GSDME: variants seen among roughly 807,000 people sequenced by gnomAD.
GSDME encodes the protein gasdermin-E.
A neutral mutation model predicts 47.5 loss-of-function variants in GSDME; 44 were observed. The observed-to-expected ratio is 0.93, with a 90% CI of 0.73 to 1.19. The LOEUF is 1.19. GSDME is among the 50% of genes most tolerant of loss of function. The pLI is 0.00. For missense variants in GSDME, 663 were observed against 604.2 expected, an observed-to-expected ratio of 1.10 and a Z score of -1.02; for synonymous variants, 258 against 252.8, an observed-to-expected ratio of 1.02 and a Z score of -0.20.
rs147676583 is a variant in GSDME, at chr7:24,699,383, T to A, written c.1258-124A>T. ...TTTGAGATGGAGTCTTGCTCTGTCG[T>A]CCAGGCTGGAGTGCAGTGGCGTGAT... On this transcript the variant is annotated intron_variant, in intron 9 of 9. Coordinates refer to ENST00000645220, the MANE Select transcript of GSDME (RefSeq NM_001127453.2). 1,519 of 731,592 alleles carry A rather than the reference T, an allele frequency of 2.1e-3. 19 individuals are homozygous for A. In the East Asian group the frequency reaches 0.029, roughly 14 times the overall value. 45.3% of individuals were successfully genotyped at this position (731,592 alleles called of 1,614,324 possible).
chr7:24,793,663 C>T, the GSDME span, among the ~76,000 whole-genome samples: 1 of 152,030 alleles, frequency 6.6e-6, no homozygotes, highest in African/African-American at 2.4e-5. Flanking sequence ...GACAATTCTT[C>T]AACATGTCTC....
chr7:24,778,328 T>C, the GSDME span, among the ~76,000 whole-genome samples: 92 of 152,082 alleles, frequency 6.0e-4, no homozygotes, highest in Admixed American at 1.1e-3. The surrounding 1 kb of genome is among the most constrained non-coding windows in gnomAD (Gnocchi z 5.6). Context: ...CCAGGGAGCT[T>C]CAGACCTCAG....
intron 3 of GSDME, among the ~76,000 whole-genome samples, chr7:24,734,075 T>A (rs922394471): frequency 1.3e-5 from 2 of 152,164 alleles, no homozygotes; most frequent in Admixed American, 6.5e-5. Flanking sequence ...CCAGACAGCT[T>A]AGCATAGAGA....
chr7:24,746,325 A>G (rs952518079), intron 2 of GSDME, among the ~76,000 whole-genome samples: 3 of 152,226 alleles, frequency 2.0e-5, no homozygotes, highest in Non-Finnish European at 4.4e-5. Flanking sequence ...TTAGGATTCT[A>G]TCCCTACTCT....
chr7:24,753,050 T>G (rs992705773), intron 1 of GSDME, among the ~76,000 whole-genome samples: 1 of 151,854 alleles, frequency 6.6e-6, no homozygotes, highest in Non-Finnish European at 1.5e-5. Context: ...CAGGGTAGGG[T>G]GCTTTAAGGA....
chr7:24,717,089 A>G (rs951952648), intron 5 of GSDME, 165 bp downstream of exon 5: 13 of 730,914 alleles, frequency 1.8e-5, no homozygotes, highest in Middle Eastern at 2.4e-4. Flanking sequence ...AGTGCAGCCC[A>G]TGTGTCCAGG....
chr7:24,711,810 G>A (rs1159742395), intron 5 of GSDME, among the ~76,000 whole-genome samples: 2 of 106,410 alleles, frequency 1.9e-5, no homozygotes, highest in Admixed American at 1.1e-4. Flanking sequence ...GCAAGACCTT[G>A]TCTCCAAAAA....
At chr7:24,746,484 T>G (rs969517863) in intron 2 of GSDME, among the ~76,000 whole-genome samples, 1 of 152,176 alleles carries the variant, frequency 6.6e-6, no homozygotes, top group African/African-American at 2.4e-5. Context: ...GTCTCACACA[T>G]AGCAAAGGCT....
At chr7:24,704,018 A>G (rs1470101757) in intron 8 of GSDME, 2 of 152,184 alleles carry the variant, frequency 1.3e-5, no homozygotes, top group African/African-American at 4.8e-5. Context: ...CCTGAGTCCC[A>G]TATTACCCAT....
intron 2 of GSDME, 50 bp downstream of exon 2, chr7:24,749,514 A>T: frequency 7.2e-6 from 10 of 1,388,204 alleles, no homozygotes; most frequent in Non-Finnish European, 1.0e-5. Flanking sequence ...AAAAAAAAAA[A>T]GGATCATCCT....
intron 8 of GSDME, chr7:24,704,889 T>A (rs916724289): frequency 6.6e-6 from 1 of 152,228 alleles, no homozygotes; most frequent in Non-Finnish European, 1.5e-5. Context: ...GGTCTTGCCA[T>A]GTTCCCTAGG....
At chr7:24,702,342 G>C (rs1437473133) in intron 9 of GSDME, 2 of 330,074 alleles carry the variant, frequency 6.1e-6, no homozygotes, top group Admixed American at 8.3e-5. Context: ...CCCTGGGACA[G>C]ATCAGTCCTG....
intron 3 of GSDME, among the ~76,000 whole-genome samples, chr7:24,741,728 G>A (rs146725714): frequency 2.6e-5 from 4 of 152,142 alleles, no homozygotes; most frequent in Non-Finnish European, 5.9e-5. Context: ...CCAAGGCCAC[G>A]CATGTATCAA....
intron 1 of GSDME, among the ~76,000 whole-genome samples, chr7:24,750,688 A>G (rs939454930): frequency 3.3e-5 from 5 of 152,200 alleles, no homozygotes; most frequent in African/African-American, 9.7e-5. Flanking sequence ...ACTTATGACT[A>G]CTTATTTGAA....
At chr7:24,780,778 A>G in the GSDME span, among the ~76,000 whole-genome samples, 5 of 152,182 alleles carry the variant, frequency 3.3e-5, no homozygotes, top group South Asian at 1.0e-3. The surrounding 1 kb of genome is among the most constrained non-coding windows in gnomAD (Gnocchi z 4.1). Context: ...ACCTTTGTCT[A>G]CCCAGTAGAT....
intron 2 of GSDME, 91 bp downstream of exon 2, chr7:24,749,473 G>T (rs574727291): frequency 3.4e-5 from 39 of 1,134,522 alleles, no homozygotes; most frequent in Non-Finnish European, 4.8e-5. Context: ...CTGCACTCCA[G>T]CATGGGCGAC....
the GSDME span, among the ~76,000 whole-genome samples, chr7:24,783,568 T>C: frequency 1.3e-5 from 2 of 152,070 alleles, no homozygotes; most frequent in South Asian, 2.1e-4. Flanking sequence ...GCTGAGGTGT[T>C]TGGAGCAGAG....
At chr7:24,709,174 G>A (rs1171527635) in intron 6 of GSDME, among the ~76,000 whole-genome samples, 2 of 152,208 alleles carry the variant, frequency 1.3e-5, no homozygotes, top group Non-Finnish European at 2.9e-5. Context: ...GAGAGAAGCT[G>A]TCCTGGTCGG....
At chr7:24,740,605 T>C in intron 3 of GSDME, among the ~76,000 whole-genome samples, 1 of 152,042 alleles carries the variant, frequency 6.6e-6, no homozygotes, top group Middle Eastern at 3.2e-3. Flanking sequence ...TATTTTCCCA[T>C]TAAAAATTCC....
Sources: gnomAD v4.1 joint callset for allele counts (sites outside exome capture counted in the v4.1 genomes callset) on GRCh38, gnomAD v4.1.1 for gene constraint, Gnocchi (gnomAD v3.1) non-coding constraint, MANE v1.5 for transcripts, NCBI Gene and HGNC (gene_info 2026-07-23, HGNC 2026-07-21) for gene names.